Variants in SF3B3 observed in about 807,000 individuals in gnomAD.
SF3B3 encodes the protein SAP 130.
Under a neutral mutation model 139.2 loss-of-function variants are expected in SF3B3, and 33 were observed. That is an observed-to-expected ratio of 0.24 (90% CI 0.18 to 0.32). The LOEUF is 0.32. Among genes scored for constraint, SF3B3 ranks in the 10% least tolerant of loss-of-function variants. The pLI is 1.00. For synonymous variants in SF3B3, 596 were observed against 563.6 expected (o/e 1.06, Z -0.81); for missense variants, 818 against 1,509.4 (o/e 0.54, Z 7.59).
At chr16:70,539,287 G>A (rs2050196765) in intron 8 of SF3B3, 80 bp downstream of exon 8, 2 of 982,018 alleles carry the variant, frequency 2.0e-6, no homozygotes, top group Non-Finnish European at 3.3e-6. Context: ...GTGGCTCACG[G>A]CCATAATCCT....
In SF3B3 at chr16:70,556,962, C is replaced by G. The variant is rs757753383; in HGVS notation, c.1943C>G (p.Thr648Ser). The G allele has an allele frequency of 9.3e-6, 15 of 1,613,966 alleles. No individual in the cohort carries two copies. The East Asian group carries it at 3.3e-4, about 36-fold the overall frequency. Residue 648 changes from threonine (T) to serine (S), a missense_variant, in exon 15 of 26, where the codon ACT becomes AGT. By Grantham distance (58) the Thr-to-Ser change is moderately conservative (BLOSUM62 1). This residue lies in a region of SF3B3 where 170 missense variants were observed against 353.0 expected (regional missense o/e 0.48). Coordinates refer to ENST00000302516, the MANE Select transcript of SF3B3 (RefSeq NM_012426.5). ...TTGTGTATCGTGGAAATGGGTGGGA[C>G]TGAGAAGCAGGATGAGCTGGGTGAG... ...ESLCIVEMGG[T>S]EKQDELGERG...
At chr16:70,562,450 C>T (rs2151792320) in intron 17 of SF3B3, among the ~76,000 whole-genome samples, 1 of 152,272 alleles carries the variant, frequency 6.6e-6, no homozygotes, top group African/African-American at 2.4e-5. Flanking sequence ...TTTGCAACAA[C>T]TTTCAGGGTC....
At chr16:70,556,486 C>A in intron 14 of SF3B3, 152 bp downstream of exon 14, 1 of 772,290 alleles carries the variant, frequency 1.3e-6, no homozygotes, top group Non-Finnish European at 2.1e-6. Context: ...CTTGTCATTG[C>A]AGTGTGTTTC....
intron 6 of SF3B3, among the ~76,000 whole-genome samples, chr16:70,536,441 G>A (rs1219745642): frequency 6.6e-6 from 1 of 152,046 alleles, no homozygotes; most frequent in African/African-American, 2.4e-5. Flanking sequence ...TGGGCTCACT[G>A]CAAGCTCCGC....
In SF3B3 at chr16:70,561,768, T is replaced by G. The variant is rs1158250431; in HGVS notation, c.2272T>G (p.Ser758Ala). 2 of 1,613,908 alleles carry G rather than the reference T, an allele frequency of 1.2e-6. No individual in the cohort carries two copies. The highest frequency in any genetic ancestry group is 1.7e-6 in the Non-Finnish European group (2 of 1,179,954). ...EQCPEGIVAI[S>A]TNTLRILALE... is the part of the protein sequence containing the mutation. Reference sequence around the variant, plus strand: ...GTGTCCCGAGGGCATTGTGGCCATCTCCACCAACACCCTACGGTGAGTGAG... The same window carrying G: ...GTGTCCCGAGGGCATTGTGGCCATCGCCACCAACACCCTACGGTGAGTGAG... Residue 758 changes from serine to alanine, a missense_variant, in exon 17 of 26, where the codon TCC becomes GCC. Around this residue, in one of 14 missense-constraint regions of SF3B3, gnomAD observed 170 missense variants for 353.0 expected, o/e 0.48. Coordinates refer to ENST00000302516, the MANE Select transcript of SF3B3 (RefSeq NM_012426.5).
chr16:70,546,417 T>C (rs2050268958), intron 10 of SF3B3, among the ~76,000 whole-genome samples: 1 of 152,196 alleles, frequency 6.6e-6, no homozygotes, highest in Non-Finnish European at 1.5e-5. Flanking sequence ...TTTAGGAGGC[T>C]GAAGCAGCTG....
intron 25 of SF3B3, 86 bp from the exon 26 acceptor site, chr16:70,571,587 C>T (rs973542327): frequency 1.3e-5 from 18 of 1,426,492 alleles, no homozygotes; most frequent in Middle Eastern, 1.8e-4. Context: ...ATAAAAACAG[C>T]TTTCCCTACA....
At chr16:70,529,772 AATTT>A (rs964105209) in intron 3 of SF3B3, among the ~76,000 whole-genome samples, 9 of 152,278 alleles carry the variant, frequency 5.9e-5, no homozygotes, top group Admixed American at 1.3e-4. Context: ...TCTTTAAAAA[AATTT>A]ATTTATTTAT....
At chr16:70,541,979 A>G in intron 9 of SF3B3, 145 bp downstream of exon 9, 1 of 680,990 alleles carries the variant, frequency 1.5e-6, no homozygotes, top group Non-Finnish European at 2.4e-6. Context: ...AAAACCATTA[A>G]TAAGTCCTCG....
intron 1 of SF3B3, chr16:70,524,878 C>A (rs2151771229): frequency 6.6e-6 from 1 of 152,400 alleles, no homozygotes; most frequent in South Asian, 2.1e-4. Context: ...GACGGGGTTT[C>A]ACTGTGTTAG....
intron 21 of SF3B3, among the ~76,000 whole-genome samples, chr16:70,567,989 A>G (rs1338125008): frequency 6.6e-6 from 1 of 152,100 alleles, no homozygotes; most frequent in Non-Finnish European, 1.5e-5. Flanking sequence ...CCGGCCCTTG[A>G]GTTTTGAGAG....
Position 70,563,957 on chromosome 16 carries a change from C to G in SF3B3, c.2370C>G (p.Ile790Met), listed in dbSNP as rs770131548. Reference sequence around the variant, plus strand: ...AGTACACACCCAGGAAATTTGTCATCCACCCTGAGAGTAACAACCTTATTA... The same window carrying G: ...AGTACACACCCAGGAAATTTGTCATGCACCCTGAGAGTAACAACCTTATTA... ...PLQYTPRKFV[I>M]HPESNNLIII... The change falls in exon 18 of 26, where the codon ATC (isoleucine) becomes ATG (methionine). Residue 790 changes from isoleucine (I) to methionine (M), a missense_variant. By Grantham distance (10) the Ile-to-Met change is conservative. This residue lies in a region of SF3B3 where 34 missense variants were observed against 30.5 expected (regional missense o/e 1.12). Coordinates refer to ENST00000302516, the MANE Select transcript of SF3B3 (RefSeq NM_012426.5). The G allele has an allele frequency of 1.2e-6, 2 of 1,614,094 alleles. No individual in the cohort carries two copies. Among genetic ancestry groups the G allele is most frequent in the Non-Finnish European group, 1.7e-6 (2 of 1,179,994 alleles).
At position 70,554,569 on chromosome 16, in the gene SF3B3, C is replaced by T. The variant is rs745638504; in HGVS notation, c.1526C>T (p.Ser509Phe). The change falls in exon 12 of 26, where the codon TCC becomes TTC. Residue 509 changes from serine (S) to phenylalanine (F), a missense_variant. Ser to Phe is a radical substitution (Grantham distance 155, BLOSUM62 -2). Coordinates refer to ENST00000302516, the MANE Select transcript of SF3B3 (RefSeq NM_012426.5). ...GGGACCACCCCGACCTTGTCCTGCT[C>T]CTTATTAGGAGATGATGCCTTGGTG... ...FLGTTPTLSC[S>F]LLGDDALVQV... is the part of the protein sequence containing the mutation. 3.1e-6 allele frequency: 5 copies of T among 1,614,158 alleles called. No homozygotes were observed. The highest frequency in any genetic ancestry group is 1.1e-5 in the South Asian group (1 of 91,074).
At position 70,523,821 on chromosome 16, in the gene SF3B3, T is replaced by C; in HGVS notation, c.-178T>C. 1 of 567,274 alleles carries C rather than the reference T, an allele frequency of 1.8e-6. No homozygotes were observed. Among genetic ancestry groups the C allele is most frequent in the Non-Finnish European group, 3.1e-6 (1 of 322,254 alleles). The allele number at this position is 567,274 out of a possible 1,614,324, so 35.1% of individuals were successfully genotyped here. The stretch of plus-strand genomic sequence containing the variant: ...CCGCCGCGCGCCACCAGAATGTCCC[T>C]GTCTTGAGGTCTAATGGCGGACGCC... On this transcript the variant is annotated 5_prime_UTR_variant, in exon 1 of 26. Transcript: ENST00000302516.
intron 3 of SF3B3, 46 bp downstream of exon 3, chr16:70,529,245 C>G: frequency 6.7e-7 from 1 of 1,482,074 alleles, no homozygotes; most frequent in Non-Finnish European, 9.3e-7. Context: ...TTTAGGATAA[C>G]AATGCTGTGC....
At chr16:70,560,639 G>A (rs377393359) in intron 16 of SF3B3, 48 bp downstream of exon 16, 1 of 1,598,350 alleles carries the variant, frequency 6.3e-7, no homozygotes, top group South Asian at 1.1e-5. Flanking sequence ...GATTTTAGTG[G>A]CACCATCTGA....
At position 70,532,314 on chromosome 16, in the gene SF3B3, CTG is replaced by C. The variant is rs547599599; in HGVS notation, c.571-162_571-161del. On this transcript the variant is annotated intron_variant, in intron 4 of 25. Transcript: ENST00000302516. ...TCAAAAAAAAAAAAAGATCATACCTCTGTGCACTGCAGCCTGGGTGACATAGT... is the reference window on the plus strand; with the variant it reads ...TCAAAAAAAAAAAAAGATCATACCTCTGCACTGCAGCCTGGGTGACATAGT... Among the ~76,000 whole-genome samples the C allele has an allele frequency of 1.3e-4, 17 of 134,568 alleles. No individual in the cohort carries two copies. The South Asian group carries it at 4.0e-3, about 31-fold the overall frequency. 88.3% of individuals were successfully genotyped at this position (134,568 alleles called of 152,430 possible). A position where few individuals can be genotyped will look rare whatever the true frequency, so the allele number is the denominator to read the frequency against.
intron 24 of SF3B3, among the ~76,000 whole-genome samples, chr16:70,570,389 G>C (rs1012309234): frequency 7.0e-6 from 1 of 142,726 alleles, no homozygotes; most frequent in Admixed American, 7.5e-5. Context: ...GGAGTGCAGT[G>C]GCGCAATCTC....
intron 11 of SF3B3, among the ~76,000 whole-genome samples, chr16:70,552,184 T>G (rs1401322952): frequency 1.3e-5 from 2 of 152,204 alleles, no homozygotes; most frequent in Non-Finnish European, 2.9e-5. Context: ...AAGGTCACCT[T>G]TTCCCCTTGG....
Sources: gnomAD v4.1 joint callset for allele counts (sites outside exome capture counted in the v4.1 genomes callset) on GRCh38, gnomAD v4.1.1 for gene constraint, gnomAD v4.1.1 regional missense constraint, MANE v1.5 for transcripts, NCBI Gene and HGNC (gene_info 2026-07-23, HGNC 2026-07-21) for gene names.